Variants in CCDC88C observed in about 807,000 individuals in gnomAD.
The protein encoded by CCDC88C is coiled-coil and HOOK domain protein 88C.
In CCDC88C, 131 loss-of-function variants were observed where a neutral mutation model predicts 198.8. The observed-to-expected ratio is 0.66, with a 90% CI of 0.57 to 0.76. CCDC88C has a LOEUF of 0.76. CCDC88C is among the 30% of genes least tolerant of loss of function. The pLI is 0.00. For synonymous variants in CCDC88C, 1,166 were observed against 1,114.7 expected (o/e 1.05, Z -0.92); for missense variants, 2,553 against 2,631.6 (o/e 0.97, Z 0.65).
rs1478746843 is a variant in CCDC88C, at chr14:91,272,502, C to A, written c.*123G>T. 5.1e-6 allele frequency: 5 copies of A among 975,192 alleles called. No homozygotes were observed. Among genetic ancestry groups the A allele is most frequent in the South Asian group, 1.6e-5 (1 of 63,558 alleles). 60.4% of individuals were successfully genotyped at this position (975,192 alleles called of 1,614,324 possible). ...ATTCACAGAACAAACAGCAGAAATG[C>A]GTGGGAACCCCTTTCCTCATTCCAA... On this transcript the variant is annotated 3_prime_UTR_variant, in exon 30 of 30. Coordinates refer to ENST00000389857, the MANE Select transcript of CCDC88C (RefSeq NM_001080414.4).
chr14:91,392,141 A>T (rs940859292), intron 3 of CCDC88C, among the ~76,000 whole-genome samples: 3 of 152,032 alleles, frequency 2.0e-5, no homozygotes, highest in African/African-American at 7.3e-5. Flanking sequence ...GCTCCCACTG[A>T]CCCTGTTCCC....
rs920009721 is a variant in CCDC88C at position 91,376,706 on chromosome 14, G to T, written c.271-16995C>A. On this transcript the variant is annotated intron_variant, in intron 3 of 29. Coordinates refer to ENST00000389857, the MANE Select transcript of CCDC88C (RefSeq NM_001080414.4). ...GTGCTGTCTGTGGGGAGGCCCAGGGGTCCCCTGGATGGTGCCCTCCCATGG... is the reference window on the plus strand; with the variant it reads ...GTGCTGTCTGTGGGGAGGCCCAGGGTTCCCCTGGATGGTGCCCTCCCATGG... Among the ~76,000 whole-genome samples, 4 of 152,208 alleles carry T rather than the reference G, an allele frequency of 2.6e-5. 1 individual carries two copies. Among genetic ancestry groups the T allele is most frequent in the South Asian group, 4.1e-4 (2 of 4,836 alleles).
chr14:91,364,637 G>A (rs1388065482), intron 3 of CCDC88C, among the ~76,000 whole-genome samples: 1 of 152,262 alleles, frequency 6.6e-6, no homozygotes, highest in Middle Eastern at 3.4e-3. Flanking sequence ...GGTGGGCCAG[G>A]ACCCCCTCAG....
intron 13 of CCDC88C, among the ~76,000 whole-genome samples, chr14:91,318,099 C>T (rs779450867): frequency 2.0e-5 from 3 of 152,214 alleles, no homozygotes; most frequent in Non-Finnish European, 2.9e-5. Context: ...AGACATTTCC[C>T]GTGCTAGGCC....
chr14:91,383,407 T>C (rs1324064563), intron 3 of CCDC88C, among the ~76,000 whole-genome samples: 2 of 152,080 alleles, frequency 1.3e-5, no homozygotes, highest in African/African-American at 4.8e-5. Flanking sequence ...ACTACTTTGA[T>C]CAAGGCCTCC....
At chr14:91,342,144 T>C (rs1026746672) in intron 6 of CCDC88C, 5 of 419,274 alleles carry the variant, frequency 1.2e-5, no homozygotes, top group Non-Finnish European at 2.1e-5. Context: ...ATGACTTGAT[T>C]GAGGTGTTTT....
intron 3 of CCDC88C, among the ~76,000 whole-genome samples, chr14:91,403,095 G>A (rs75761769): frequency 0.045 from 6,885 of 152,276 alleles, 275 homozygotes; most frequent in Non-Finnish European, 0.061. Context: ...AGGGCACTCA[G>A]GAGGCTCAGA....
chr14:91,310,042 C>T, intron 15 of CCDC88C, 56 bp from the exon 16 acceptor site: 6 of 1,495,896 alleles, frequency 4.0e-6, no homozygotes, highest in Non-Finnish European at 5.4e-6. Context: ...CGCAGGAAGG[C>T]CAGGCGCCAG....
intron 16 of CCDC88C, 144 bp from the exon 17 acceptor site, chr14:91,308,636 C>T (rs779664981): frequency 1.1e-5 from 9 of 838,314 alleles, no homozygotes; most frequent in Non-Finnish European, 1.5e-5. Flanking sequence ...ACTCACGAGC[C>T]AAAACTCATC....
chr14:91,340,032 C>G lies in CCDC88C; in HGVS notation c.484-8G>C. Reference sequence around the variant, plus strand: ...CTCTTGGTTGTGAGTCACCTGTGGGCACACATGGCAGGGCACTGCAGGGGC... The same window carrying G: ...CTCTTGGTTGTGAGTCACCTGTGGGGACACATGGCAGGGCACTGCAGGGGC... On this transcript the variant is annotated splice_region_variant and splice_polypyrimidine_tract_variant and intron_variant, in intron 6 of 29. Coordinates refer to ENST00000389857, the MANE Select transcript of CCDC88C (RefSeq NM_001080414.4). The G allele has an allele frequency of 1.1e-5, 17 of 1,609,104 alleles. No homozygotes were observed. The highest frequency in any genetic ancestry group is 1.4e-5 in the Non-Finnish European group (16 of 1,178,366).
Position 91,324,937 on chromosome 14 carries a change from G to T in CCDC88C, c.1198-14C>A, listed in dbSNP as rs1892521168. On this transcript the variant is annotated splice_polypyrimidine_tract_variant and intron_variant, in intron 11 of 29. Coordinates refer to ENST00000389857, the MANE Select transcript of CCDC88C (RefSeq NM_001080414.4). ...TGTGTCCCGGTCCTGGGGCAAGCAA[G>T]AAGAGGCAAGAAGTGAGGCTGCACA... The T allele has an allele frequency of 1.2e-6, 2 of 1,613,064 alleles. No homozygotes were observed. Among genetic ancestry groups the T allele is most frequent in the South Asian group, 1.1e-5 (1 of 91,090 alleles).
intron 3 of CCDC88C, among the ~76,000 whole-genome samples, chr14:91,392,975 A>C (rs1043854797): frequency 6.6e-6 from 1 of 152,190 alleles, no homozygotes; most frequent in African/African-American, 2.4e-5. Context: ...GCGAAAAAGG[A>C]AAGGTGCTGG....
At chr14:91,274,959 C>T (rs773252425) in intron 29 of CCDC88C, among the ~76,000 whole-genome samples, 2 of 152,154 alleles carry the variant, frequency 1.3e-5, no homozygotes, top group Admixed American at 6.5e-5. Context: ...TTGATACCCA[C>T]CCTTCCTGGC....
rs562803158 is a variant in CCDC88C, at chr14:91,351,883, C to T, written c.340+7759G>A. On this transcript the variant is annotated intron_variant, in intron 4 of 29. Transcript: ENST00000389857. ...AGAACACTTTGAAATATCAGCCCCT[C>T]GGAGCACCCTCACCCCAAAAATGAC... 2.6e-5 allele frequency among the ~76,000 whole-genome samples: 4 copies of T among 152,230 alleles called. No homozygotes were observed. The East Asian group carries it at 7.7e-4, about 29-fold the overall frequency.
intron 22 of CCDC88C, 92 bp from the exon 23 acceptor site, chr14:91,294,410 C>G: frequency 1.3e-5 from 18 of 1,413,006 alleles, no homozygotes; most frequent in Non-Finnish European, 1.8e-5. Context: ...GGCCACTGCA[C>G]AAAGATGTTC....
intron 19 of CCDC88C, 101 bp from the exon 20 acceptor site, chr14:91,304,079 C>T: frequency 2.9e-6 from 4 of 1,393,256 alleles, no homozygotes; most frequent in Non-Finnish European, 2.9e-6. Context: ...ATAGCCGGGA[C>T]CCTCAGGGCA....
chr14:91,309,927 G>A lies in CCDC88C; in HGVS notation c.2796C>T (p.Ser932=). The A allele has an allele frequency of 6.2e-7, 1 of 1,608,432 alleles. No homozygotes were observed. The highest frequency in any genetic ancestry group is 8.5e-7 in the Non-Finnish European group (1 of 1,177,482). The change falls in exon 16 of 30, where the codon AGC becomes AGT. Residue 932 remains serine (S), a synonymous_variant. Transcript: ENST00000389857. The part of the protein sequence containing the change: ...QQLSSELDKL[S]QELEKVGLNR... ...TGAGGCCGACCTTCTCCAGTTCCTG[G>A]CTCAGCTTGTCCAGCTCACTGCTGA...
intron 2 of CCDC88C, among the ~76,000 whole-genome samples, chr14:91,415,627 G>A (rs1887003949): frequency 6.6e-6 from 1 of 152,044 alleles, no homozygotes; most frequent in East Asian, 1.9e-4. Context: ...GGCTGAGGTA[G>A]GATAATCGCT....
chr14:91,276,951 T>C (rs916747961), intron 29 of CCDC88C, among the ~76,000 whole-genome samples: 4 of 152,208 alleles, frequency 2.6e-5, no homozygotes, highest in East Asian at 1.9e-4. Context: ...CCTGTGAGAA[T>C]AGTTGCTACA....
Sources: allele counts gnomAD v4.1 joint callset (sites outside exome capture counted in the v4.1 genomes callset), GRCh38; gene constraint gnomAD v4.1.1; transcripts MANE v1.5; gene names NCBI Gene and HGNC (gene_info 2026-07-23, HGNC 2026-07-21).